ABCA10: variants seen among roughly 807,000 people sequenced by gnomAD.
ABCA10 encodes the protein ATP binding cassette subfamily A member 10.
A neutral mutation model predicts 187.5 loss-of-function variants in ABCA10; 169 were observed. The observed-to-expected ratio is 0.90, with a 90% CI of 0.80 to 1.02. The LOEUF is 1.02. ABCA10 is among the 50% of genes least tolerant of loss of function. The pLI, the probability that ABCA10 is intolerant of heterozygous loss-of-function variation, is 0.00. For missense variants in ABCA10, 1,727 were observed against 1,812.4 expected, an observed-to-expected ratio of 0.95 and a Z score of 0.86; for synonymous variants, 574 against 601.8, an observed-to-expected ratio of 0.95 and a Z score of 0.68.
At chr17:69,210,009 GATT>G in intron 9 of ABCA10, among the ~76,000 whole-genome samples, 1 of 151,786 alleles carries the variant, frequency 6.6e-6, no homozygotes, top group South Asian at 2.1e-4. Context: ...TAGGTTTTAG[GATT>G]ATATGTGCAC....
At chr17:69,169,569 A>G in intron 25 of ABCA10, among the ~76,000 whole-genome samples, 1 of 152,254 alleles carries the variant, frequency 6.6e-6, no homozygotes, top group Non-Finnish European at 1.5e-5. Flanking sequence ...TACTTAAAAA[A>G]GAACAAGGTG....
chr17:69,154,245 G>C lies in ABCA10; in HGVS notation c.3776C>G (p.Thr1259Ser). The C allele has an allele frequency of 6.2e-7, 1 of 1,610,272 alleles. No individual in the cohort carries two copies. The highest frequency in any genetic ancestry group is 8.5e-7 in the Non-Finnish European group (1 of 1,178,330). ...IKMITGCTKP[T>S]AGVVVLQGSR... ...TCACATGTCACATACCACTCCTGCA[G>C]TTGGCTTTGTGCACCCAGTTATCAT... is the stretch of plus-strand genomic sequence containing the variant. The change falls in exon 31 of 39, where the codon ACT becomes AGT. Residue 1259 changes from threonine to serine, a missense_variant. Thr to Ser is a moderately conservative substitution (Grantham distance 58). Coordinates refer to ENST00000690296, the MANE Select transcript of ABCA10 (RefSeq NM_001377321.1).
chr17:69,234,919 T>C (rs1176094175), intron 1 of ABCA10: 1 of 152,220 alleles, frequency 6.6e-6, no homozygotes, highest in Non-Finnish European at 1.5e-5. Context: ...GCCACTTGTT[T>C]TTTGCTCATC....
chr17:69,223,433 C>G (rs1452908568), intron 3 of ABCA10, among the ~76,000 whole-genome samples: 1 of 152,162 alleles, frequency 6.6e-6, no homozygotes, highest in Non-Finnish European at 1.5e-5. Flanking sequence ...AGTTTACAAT[C>G]TGCAGGAGTA....
chr17:69,244,820 T>C (rs1257227720), exon 1 of ABCA10: 1 of 151,050 alleles, frequency 6.6e-6, no homozygotes, highest in East Asian at 1.9e-4. Flanking sequence ...TTAATTGTGC[T>C]CCTATAAAAC....
At chr17:69,212,141 CT>C (rs2074665881) in intron 9 of ABCA10, among the ~76,000 whole-genome samples, 1 of 152,030 alleles carries the variant, frequency 6.6e-6, no homozygotes, top group Admixed American at 6.6e-5. Flanking sequence ...TTTAGCACTG[CT>C]TTTTCTGTAT....
intron 18 of ABCA10, 105 bp downstream of exon 18, chr17:69,190,253 T>A: frequency 7.9e-7 from 1 of 1,261,318 alleles, no homozygotes; most frequent in South Asian, 1.8e-5. Context: ...CTAATGCATA[T>A]TATAGGTAGA....
At position 69,191,235 on chromosome 17, in the gene ABCA10, G is replaced by C; in HGVS notation, c.1952C>G (p.Thr651Arg). The C allele has an allele frequency of 1.2e-6, 2 of 1,602,886 alleles. No homozygotes were observed. The highest frequency in any genetic ancestry group is 1.7e-6 in the Non-Finnish European group (2 of 1,173,866). Residue 651 changes from threonine to arginine, a missense_variant, in exon 17 of 39, where the codon ACA (threonine) becomes AGA (arginine). Transcript: ENST00000690296. ...KQHIPDAKLTTESEEKLVYSL... is the reference protein window; with the variant it reads ...KQHIPDAKLTRESEEKLVYSL... The stretch of plus-strand genomic sequence containing the variant: ...ATATACAAGTTTTTCTTCACTTTCT[G>C]TTGTTAACTTGGCATCAGGAATGTG...
chr17:69,157,685 C>T (rs1029516587), intron 27 of ABCA10, among the ~76,000 whole-genome samples: 6 of 151,928 alleles, frequency 3.9e-5, no homozygotes, highest in Admixed American at 2.0e-4. Flanking sequence ...CATATATAGG[C>T]AACTGATATA....
chr17:69,196,856 T>C (rs940289359), intron 11 of ABCA10, among the ~76,000 whole-genome samples: 2 of 151,928 alleles, frequency 1.3e-5, no homozygotes, highest in South Asian at 2.1e-4. Flanking sequence ...ACCAAAAAAA[T>C]ACGAAAACCA....
In ABCA10 at chr17:69,215,922, A is replaced by C. The variant is rs757527688; in HGVS notation, c.751T>G (p.Phe251Val). 1 of 1,613,986 alleles carries C rather than the reference A, an allele frequency of 6.2e-7. No homozygotes were observed. The highest frequency in any genetic ancestry group is 8.5e-7 in the Non-Finnish European group (1 of 1,179,922). Residue 251 changes from phenylalanine (F) to valine (V), a missense_variant, in exon 8 of 39, where the codon TTT becomes GTT. By Grantham distance (50) the Phe-to-Val change is conservative. Coordinates refer to ENST00000690296, the MANE Select transcript of ABCA10 (RefSeq NM_001377321.1). ...AGLAGFLFTVFWGCLGFTVLY... is the reference protein window; with the variant it reads ...AGLAGFLFTVVWGCLGFTVLY... Reference sequence around the variant, plus strand: ...ACAGTGAATCCCAGACATCCCCAAAATACAGTGAAGAGAAATCCAGCCAAA... The same window carrying C: ...ACAGTGAATCCCAGACATCCCCAAACTACAGTGAAGAGAAATCCAGCCAAA...
intron 6 of ABCA10, among the ~76,000 whole-genome samples, chr17:69,217,572 T>G (rs2074715831): frequency 6.6e-6 from 1 of 152,162 alleles, no homozygotes; most frequent in Non-Finnish European, 1.5e-5. Context: ...GGAATAGTAC[T>G]CAACAATAAG....
chr17:69,205,861 A>G (rs1169904457), intron 9 of ABCA10, among the ~76,000 whole-genome samples: 1 of 152,232 alleles, frequency 6.6e-6, no homozygotes, highest in African/African-American at 2.4e-5. Flanking sequence ...AATGTTGCCT[A>G]TTAAAAGCTA....
intron 9 of ABCA10, among the ~76,000 whole-genome samples, chr17:69,210,389 C>T (rs1435580966): frequency 1.4e-4 from 21 of 150,126 alleles, no homozygotes; most frequent in African/African-American, 4.7e-4. Context: ...CGGGGTTTCA[C>T]CTTGTTAGCC....
In ABCA10 at chr17:69,201,520, G is replaced by A. The variant is rs753468154; in HGVS notation, c.1155C>T (p.Phe385=). ...DDSFEPVSPE[F]HGKEAIRIRN... is the part of the protein sequence containing the mutation. ...GTTACCTTATGGCTTCTTTTCCATGGAATTCTGGAGACACCGGTTCAAAAG... is the reference window on the plus strand; with the variant it reads ...GTTACCTTATGGCTTCTTTTCCATGAAATTCTGGAGACACCGGTTCAAAAG... The change falls in exon 10 of 39, where the codon TTC becomes TTT. Residue 385 remains phenylalanine, a synonymous_variant. Coordinates refer to ENST00000690296, the MANE Select transcript of ABCA10 (RefSeq NM_001377321.1). 3.8e-6 allele frequency: 6 copies of A among 1,591,524 alleles called. No homozygotes were observed. The East Asian group carries it at 1.1e-4, about 30-fold the overall frequency.
At chr17:69,208,123 G>A (rs529283384) in intron 9 of ABCA10, among the ~76,000 whole-genome samples, 26 of 151,990 alleles carry the variant, frequency 1.7e-4, no homozygotes, top group African/African-American at 6.0e-4. Context: ...AATTTTATAA[G>A]AATGTATTAG....
chr17:69,229,020 CAG>C (rs1172085211), upstream of ABCA10, among the ~76,000 whole-genome samples: 2 of 151,882 alleles, frequency 1.3e-5, no homozygotes, highest in Non-Finnish European at 2.9e-5. Flanking sequence ...TAAAGTTGAA[CAG>C]AGAGAGAGAA....
chr17:69,210,170 CTTTTTTTTTTTTTTTTTTTT>C (rs1160992125), intron 9 of ABCA10, among the ~76,000 whole-genome samples: 1 of 70,894 alleles, frequency 1.4e-5, no homozygotes, highest in African/African-American at 6.7e-5. Flanking sequence ...GTGGTTATTT[CTTTTTTTTTTTTTTTTTTTT>C]TTTTTTTTTT....
intron 3 of ABCA10, chr17:69,223,691 C>G (rs994252736): frequency 2.3e-6 from 1 of 443,816 alleles, no homozygotes; most frequent in Middle Eastern, 3.3e-4. Context: ...GAGGACAGTG[C>G]TAACATCACT....
Sources: allele counts gnomAD v4.1 joint callset (sites outside exome capture counted in the v4.1 genomes callset), GRCh38; gene constraint gnomAD v4.1.1; transcripts MANE v1.5; gene names NCBI Gene and HGNC (gene_info 2026-07-23, HGNC 2026-07-21).